The following GPC5 variants were observed in gnomAD, a reference collection of about 807,000 sequenced individuals.
GPC5 encodes glypican 5, also known as glypican-5.
In GPC5, 47 loss-of-function variants were observed where a neutral mutation model predicts 53.9. The observed-to-expected ratio is 0.87, with a 90% CI of 0.69 to 1.11. The LOEUF (loss-of-function observed/expected upper bound fraction) is 1.11. GPC5 is among the 50% of genes most tolerant of loss of function. The pLI is 0.00. For synonymous variants in GPC5, 286 were observed against 263.3 expected (o/e 1.09, Z -0.84); for missense variants, 748 against 713.1 (o/e 1.05, Z -0.56).
In GPC5 at chr13:92,491,974, G is replaced by GT. The variant is rs372892282; in HGVS notation, c.1561+346993dup. Among the ~76,000 whole-genome samples the GT allele has an allele frequency of 2.0e-3, 299 of 151,870 alleles. 1 individual carries two copies. The highest frequency in any genetic ancestry group is 6.9e-3 in the African/African-American group (286 of 41,442). ...GAATCATTCTTTCTTCAGCTTCACA[G>GT]TTTTTTTTATCTTTTCAGTCTAGAG... On this transcript the variant is annotated intron_variant, in intron 7 of 7. Transcript: ENST00000377067.
intron 7 of GPC5, among the ~76,000 whole-genome samples, chr13:92,392,033 A>G (rs1480538981): frequency 6.6e-6 from 1 of 152,230 alleles, no homozygotes; most frequent in Non-Finnish European, 1.5e-5. Context: ...GAGAGAGCAG[A>G]TATGTGGCCT....
intron 7 of GPC5, among the ~76,000 whole-genome samples, chr13:92,306,168 C>G (rs2043109487): frequency 6.6e-6 from 1 of 152,046 alleles, no homozygotes; most frequent in African/African-American, 2.4e-5. Flanking sequence ...GGTGAATAGA[C>G]CAATGTTTTT....
intron 3 of GPC5, among the ~76,000 whole-genome samples, chr13:91,719,156 A>T (rs776893662): frequency 6.6e-6 from 1 of 152,222 alleles, no homozygotes; most frequent in Non-Finnish European, 1.5e-5. Flanking sequence ...CAAAGGATGG[A>T]CAGAGCTTGC....
intron 1 of GPC5, among the ~76,000 whole-genome samples, chr13:91,424,361 CTTTT>C (rs781733611): frequency 2.3e-4 from 26 of 113,440 alleles, no homozygotes; most frequent in South Asian, 1.3e-3. Context: ...TCCAGTACTG[CTTTT>C]TTTTTTTTTT....
intron 2 of GPC5, among the ~76,000 whole-genome samples, chr13:91,449,209 C>T (rs1881015663): frequency 6.6e-6 from 1 of 152,034 alleles, no homozygotes; most frequent in Admixed American, 6.6e-5. Flanking sequence ...AACATTCTGA[C>T]TCATAGCTGT....
intron 6 of GPC5, among the ~76,000 whole-genome samples, chr13:92,005,774 C>T (rs970573940): frequency 1.3e-5 from 2 of 152,134 alleles, no homozygotes; most frequent in African/African-American, 4.8e-5. Flanking sequence ...GGTTCTTCTG[C>T]ATATGGATAT....
chr13:92,286,762 C>A (rs1468606108), intron 7 of GPC5, among the ~76,000 whole-genome samples: 1 of 151,566 alleles, frequency 6.6e-6, no homozygotes, highest in Non-Finnish European at 1.5e-5. Context: ...GGAGGGATAG[C>A]AGTAGGAGAG....
chr13:91,568,120 G>A (rs2138972337), intron 2 of GPC5, among the ~76,000 whole-genome samples: 1 of 152,266 alleles, frequency 6.6e-6, no homozygotes, highest in Non-Finnish European at 1.5e-5. Flanking sequence ...CTAGCCATGT[G>A]GAAGTAGTTT....
At chr13:92,124,704 C>G (rs17267095) in intron 6 of GPC5, among the ~76,000 whole-genome samples, 17,624 of 152,154 alleles carry the variant, frequency 0.12, 1,284 homozygotes, top group Admixed American at 0.17. Context: ...TGAAGAGAGA[C>G]AAGCTGCTGC....
intron 5 of GPC5, among the ~76,000 whole-genome samples, chr13:91,897,830 T>A (rs1308286815): frequency 6.6e-6 from 1 of 152,134 alleles, no homozygotes; most frequent in African/African-American, 2.4e-5. Context: ...TGCTCCCCCA[T>A]ATTTCTATTT....
intron 6 of GPC5, among the ~76,000 whole-genome samples, chr13:92,015,631 T>A (rs1289306965): frequency 6.6e-6 from 1 of 152,110 alleles, no homozygotes; most frequent in Non-Finnish European, 1.5e-5. Flanking sequence ...TTAGTAGAAT[T>A]CAAACTAAGA....
chr13:91,888,058 T>C (rs538328494), intron 5 of GPC5, among the ~76,000 whole-genome samples: 29 of 152,136 alleles, frequency 1.9e-4, no homozygotes, highest in Non-Finnish European at 3.4e-4. Flanking sequence ...TGAAGAAATA[T>C]GCGAGAATGA....
At chr13:92,685,345 T>G (rs1887230817) in intron 7 of GPC5, among the ~76,000 whole-genome samples, 1 of 152,030 alleles carries the variant, frequency 6.6e-6, no homozygotes, top group African/African-American at 2.4e-5. Context: ...TCCACCCTCC[T>G]CAGCCTCCCA....
chr13:91,973,645 G>T (rs532119789), intron 6 of GPC5, among the ~76,000 whole-genome samples: 102 of 152,194 alleles, frequency 6.7e-4, no homozygotes, highest in African/African-American at 2.4e-3. Flanking sequence ...ATGGGTTTTT[G>T]GTGTGGATGT....
chr13:91,693,960 G>A, intron 3 of GPC5, 79 bp downstream of exon 3: 1 of 1,067,790 alleles, frequency 9.4e-7, no homozygotes, highest in South Asian at 1.5e-5. Flanking sequence ...GAAATAGTAG[G>A]AGAATGTGTC....
At chr13:91,982,776 A>T (rs1019998048) in intron 6 of GPC5, among the ~76,000 whole-genome samples, 3 of 152,224 alleles carry the variant, frequency 2.0e-5, no homozygotes, top group Non-Finnish European at 4.4e-5. Flanking sequence ...GGCCAGTCAT[A>T]GGTGGCTTTG....
intron 2 of GPC5, among the ~76,000 whole-genome samples, chr13:91,604,001 T>A (rs1479838804): frequency 7.9e-5 from 12 of 151,210 alleles, no homozygotes; most frequent in African/African-American, 2.4e-4. Flanking sequence ...GTGCACATTG[T>A]GCAGGTTAGT....
At chr13:91,813,398 A>G (rs1160068198) in intron 5 of GPC5, among the ~76,000 whole-genome samples, 2 of 152,184 alleles carry the variant, frequency 1.3e-5, no homozygotes, top group East Asian at 3.9e-4. Flanking sequence ...GGCTGCTGTG[A>G]TGCAGTACAG....
chr13:91,515,935 G>A (rs1469548495), intron 2 of GPC5, among the ~76,000 whole-genome samples: 4 of 152,134 alleles, frequency 2.6e-5, no homozygotes, highest in Non-Finnish European at 4.4e-5. Context: ...AGAAAAATGA[G>A]GAAGAAGCAA....
Sources: allele counts gnomAD v4.1 joint callset (sites outside exome capture counted in the v4.1 genomes callset), GRCh38; gene constraint gnomAD v4.1.1; transcripts MANE v1.5; gene names NCBI Gene and HGNC (gene_info 2026-07-23, HGNC 2026-07-21).